Variants in USP25 observed in about 807,000 individuals in gnomAD.
The protein encoded by USP25 is ubiquitin specific peptidase 25, also known as ubiquitin carboxyl-terminal hydrolase 25.
USP25 carries 85 observed loss-of-function variants against 158.5 expected under a neutral mutation model. The observed-to-expected ratio is 0.54, with a 90% CI of 0.45 to 0.64. The LOEUF (loss-of-function observed/expected upper bound fraction) is 0.64. USP25 is among the 30% of genes least tolerant of loss of function. The pLI, the probability that USP25 is intolerant of heterozygous loss-of-function variation, is 0.00. For synonymous variants in USP25, 464 were observed against 460.4 expected, an observed-to-expected ratio of 1.01 and a Z score of -0.10; for missense variants, 1,242 against 1,327.3, an observed-to-expected ratio of 0.94 and a Z score of 1.00.
At chr21:15,818,965 T>C (rs1188388151) in intron 10 of USP25, 119 bp downstream of exon 10, 1 of 1,234,488 alleles carries the variant, frequency 8.1e-7, no homozygotes, top group Non-Finnish European at 1.1e-6. Flanking sequence ...ACTCAGAGAG[T>C]ATGTTTGGAT....
Position 15,866,265 on chromosome 21 carries a change from G to C in USP25, c.2727-1G>C. On this transcript the variant is annotated splice_acceptor_variant, in intron 21 of 25. Transcript: ENST00000400183. LOFTEE classifies it high-confidence loss of function. ...CTCATATGTATGTGTTTTTTTTTAA[G>C]GTGTCACAACATAATGAAAGTTGCT... The C allele has an allele frequency of 6.3e-7, 1 of 1,588,578 alleles. No individual in the cohort carries two copies. Among genetic ancestry groups the C allele is most frequent in the East Asian group, 2.3e-5 (1 of 43,774 alleles).
At position 15,791,589 on chromosome 21, in the gene USP25, T is replaced by C. The variant is rs569413171; in HGVS notation, c.480T>C (p.Asp160=). 345 of 1,611,946 alleles carry C rather than the reference T, an allele frequency of 2.1e-4. 6 individuals are homozygous for C. The South Asian group carries it at 3.3e-3, about 16-fold the overall frequency. The change falls in exon 5 of 26, where the codon GAT becomes GAC. Residue 160 remains aspartate (D), a synonymous_variant. Coordinates refer to ENST00000400183, the MANE Select transcript of USP25 (RefSeq NM_001283041.3). ...EVWRDSRNPY[D]RKRQDKAPVG... ...GGAGGGATTCTCGAAACCCTTATGA[T>C]AGAAAAAGACAGGACAAAGCTCCCG... is the stretch of plus-strand genomic sequence containing the variant.
intron 23 of USP25, 25 bp from the exon 24 acceptor site, chr21:15,874,373 AATGTT>A (rs1264045985): frequency 1.3e-6 from 2 of 1,561,364 alleles, no homozygotes; most frequent in South Asian, 1.2e-5. Context: ...GTGAAATACT[AATGTT>A]ATATGTTTCT....
chr21:15,834,621 A>G (rs991026082), intron 17 of USP25, among the ~76,000 whole-genome samples: 17 of 152,338 alleles, frequency 1.1e-4, no homozygotes, highest in African/African-American at 3.1e-4. Flanking sequence ...CAGTGCTACA[A>G]TGTAGTATTG....
At chr21:15,799,680 C>T in intron 5 of USP25, 77 bp from the exon 6 acceptor site, 1 of 962,812 alleles carries the variant, frequency 1.0e-6, no homozygotes, top group Non-Finnish European at 1.5e-6. Flanking sequence ...AAAAAATAAA[C>T]CTCCAAGACT....
At position 15,831,316 on chromosome 21, in the gene USP25, A is replaced by G. The variant is rs992574842; in HGVS notation, c.1765-85A>G. The G allele has an allele frequency of 9.1e-6, 12 of 1,322,476 alleles. No individual in the cohort carries two copies. The East Asian group carries it at 2.8e-4, about 31-fold the overall frequency. The allele number at this position is 1,322,476 out of a possible 1,614,324, so 81.9% of individuals were successfully genotyped here. On this transcript the variant is annotated intron_variant, in intron 15 of 25. Coordinates refer to ENST00000400183, the MANE Select transcript of USP25 (RefSeq NM_001283041.3). ...AAAAAATGCTCTTATGGTTTTCTCCAAACAGGTTGTTTGTGGGTTTCATGG... is the reference window on the plus strand; with the variant it reads ...AAAAAATGCTCTTATGGTTTTCTCCGAACAGGTTGTTTGTGGGTTTCATGG...
In USP25 at chr21:15,879,005, T is replaced by G. The variant is rs911668597; in HGVS notation, c.*530T>G. 1 of 152,634 alleles carries G rather than the reference T, an allele frequency of 6.6e-6. No homozygotes were observed. Among genetic ancestry groups the G allele is most frequent in the African/African-American group, 2.4e-5 (1 of 41,450 alleles). 9.5% of individuals were successfully genotyped at this position (152,634 alleles called of 1,614,324 possible). A position where few individuals can be genotyped will look rare whatever the true frequency, so the allele number is the denominator to read the frequency against. On this transcript the variant is annotated 3_prime_UTR_variant, in exon 26 of 26. Transcript: ENST00000400183. Reference sequence around the variant, plus strand: ...GATTAAGATTGGATAGTTAATAGATTAATACAATCTTTTAATTCTGCTCTA... The same window carrying G: ...GATTAAGATTGGATAGTTAATAGATGAATACAATCTTTTAATTCTGCTCTA...
At chr21:15,871,585 A>G (rs991535567) in intron 23 of USP25, among the ~76,000 whole-genome samples, 8 of 152,226 alleles carry the variant, frequency 5.3e-5, no homozygotes, top group African/African-American at 1.7e-4. Context: ...ATTTATCTCA[A>G]TAAGAATTAA....
intron 20 of USP25, among the ~76,000 whole-genome samples, chr21:15,851,503 TAC>T (rs10595077): frequency 0.038 from 5,525 of 147,210 alleles, 337 homozygotes; most frequent in African/African-American, 0.12. Flanking sequence ...CTATCCCCCA[TAC>T]ACACACACAC....
chr21:15,806,156 CT>C (rs2036378661), intron 7 of USP25, among the ~76,000 whole-genome samples: 1 of 152,280 alleles, frequency 6.6e-6, no homozygotes, highest in Non-Finnish European at 1.5e-5. Flanking sequence ...TTAGTATCTA[CT>C]CAGCTTTGTT....
intron 1 of USP25, among the ~76,000 whole-genome samples, chr21:15,735,955 G>A (rs1658775558): frequency 6.8e-6 from 1 of 146,290 alleles, no homozygotes; most frequent in African/African-American, 2.6e-5. Flanking sequence ...CTAAAGTTTT[G>A]TCCTAAATCT....
Position 15,730,118 on chromosome 21 carries a change from C to T in USP25, c.-276C>T, listed in dbSNP as rs935100098. 20 of 159,060 alleles carry T rather than the reference C, an allele frequency of 1.3e-4. No homozygotes were observed. Among genetic ancestry groups the T allele is most frequent in the Non-Finnish European group, 2.0e-4 (15 of 74,826 alleles). The allele number at this position is 159,060 out of a possible 1,614,324, so 9.9% of individuals were successfully genotyped here. ...CCCGTGCCCCGGCGTCCTCCGCCCGCTCATGGCCCGGGCCGCCGCGGACGA... is the reference window on the plus strand; with the variant it reads ...CCCGTGCCCCGGCGTCCTCCGCCCGTTCATGGCCCGGGCCGCCGCGGACGA... On this transcript the variant is annotated 5_prime_UTR_variant, in exon 1 of 26. Transcript: ENST00000400183.
At chr21:15,774,499 T>A (rs1423779914) in intron 3 of USP25, among the ~76,000 whole-genome samples, 1 of 152,136 alleles carries the variant, frequency 6.6e-6, no homozygotes, top group Non-Finnish European at 1.5e-5. Context: ...CTTTTTTTTT[T>A]CCAGACAACA....
At chr21:15,779,221 C>T (rs755053088) in intron 4 of USP25, among the ~76,000 whole-genome samples, 13 of 151,948 alleles carry the variant, frequency 8.6e-5, no homozygotes, top group South Asian at 2.1e-4. Flanking sequence ...CCAAAAAATA[C>T]GTAGTTAGGC....
intron 9 of USP25, among the ~76,000 whole-genome samples, chr21:15,813,424 A>G (rs992102007): frequency 1.3e-5 from 2 of 152,194 alleles, no homozygotes; most frequent in African/African-American, 2.4e-5. Flanking sequence ...CAACATTCCC[A>G]AATATATGAG....
chr21:15,860,873 T>G (rs2039393062), intron 20 of USP25, among the ~76,000 whole-genome samples: 1 of 151,530 alleles, frequency 6.6e-6, no homozygotes, highest in South Asian at 2.1e-4. Context: ...CAGTTTCCCA[T>G]TAGATTTAAC....
Position 15,807,286 on chromosome 21 carries a change from T to G in USP25, c.781-1523T>G, listed in dbSNP as rs985662018. Among the ~76,000 whole-genome samples the G allele has an allele frequency of 3.9e-5, 6 of 152,172 alleles. 1 individual carries two copies. The highest frequency in any genetic ancestry group is 1.4e-4 in the African/African-American group (6 of 41,438). On this transcript the variant is annotated intron_variant, in intron 7 of 25. Coordinates refer to ENST00000400183, the MANE Select transcript of USP25 (RefSeq NM_001283041.3). ...AATTGTTTTATTTTATAATTGTCAA[T>G]TTTAGATTGATTTCTAAGAAAGATA...
intron 9 of USP25, among the ~76,000 whole-genome samples, chr21:15,817,074 G>C (rs1373337617): frequency 6.6e-6 from 1 of 151,442 alleles, no homozygotes; most frequent in African/African-American, 2.4e-5. Context: ...GGAGTTTGCA[G>C]TGAGCCGAGA....
intron 3 of USP25, among the ~76,000 whole-genome samples, chr21:15,767,564 A>T (rs896662690): frequency 8.5e-5 from 13 of 152,132 alleles, no homozygotes; most frequent in African/African-American, 3.1e-4. Context: ...GAAGTTGAGA[A>T]GCTTGTTGCA....
Sources: gnomAD v4.1 joint callset for allele counts (sites outside exome capture counted in the v4.1 genomes callset) on GRCh38, gnomAD v4.1.1 for gene constraint, MANE v1.5 for transcripts, NCBI Gene and HGNC (gene_info 2026-07-23, HGNC 2026-07-21) for gene names.